The following ACOXL variants were observed in gnomAD, a reference collection of about 807,000 sequenced individuals.
ACOXL encodes the protein acyl-CoA oxidase like, also known as acyl-coenzyme A oxidase-like protein.
A neutral mutation model predicts 71.9 loss-of-function variants in ACOXL; 70 were observed. The observed-to-expected ratio is 0.97, with a 90% CI of 0.80 to 1.19. The LOEUF (loss-of-function observed/expected upper bound fraction) is 1.19. Among genes scored for constraint, ACOXL ranks in the 50% most tolerant of loss-of-function variants. ACOXL has a pLI of 0.00. For missense variants in ACOXL, 703 were observed against 736.3 expected, an observed-to-expected ratio of 0.95 and a Z score of 0.52; for synonymous variants, 253 against 281.6, an observed-to-expected ratio of 0.90 and a Z score of 1.02.
chr2:110,838,066 A>G (rs1690670504), intron 9 of ACOXL, among the ~76,000 whole-genome samples: 1 of 152,214 alleles, frequency 6.6e-6, no homozygotes, highest in African/African-American at 2.4e-5. Flanking sequence ...TGAATGCCAA[A>G]GTGTATCCAT....
chr2:110,886,755 T>C, intron 10 of ACOXL: 1 of 1,550,796 alleles, frequency 6.4e-7, no homozygotes, highest in Non-Finnish European at 8.7e-7. Context: ...TTTGTTGCCA[T>C]CTCACTTTTC....
intron 14 of ACOXL, among the ~76,000 whole-genome samples, chr2:111,002,083 C>T (rs942452076): frequency 3.9e-5 from 6 of 152,110 alleles, no homozygotes. Context: ...TTGCAAATAA[C>T]GGAAACTTAT....
At chr2:111,113,382 G>A (rs768647517) in intron 17 of ACOXL, among the ~76,000 whole-genome samples, 1 of 152,166 alleles carries the variant, frequency 6.6e-6, no homozygotes, top group Non-Finnish European at 1.5e-5. Flanking sequence ...TAGTTGTCCA[G>A]GAAATGTCAG....
chr2:110,849,161 C>T (rs1276649827), intron 10 of ACOXL, among the ~76,000 whole-genome samples: 2 of 152,194 alleles, frequency 1.3e-5, no homozygotes, highest in Non-Finnish European at 2.9e-5. Flanking sequence ...TATTTCTTCT[C>T]CTTCCTGTCT....
chr2:110,745,598 T>C (rs1481025632), intron 1 of ACOXL, among the ~76,000 whole-genome samples: 1 of 152,236 alleles, frequency 6.6e-6, no homozygotes, highest in Non-Finnish European at 1.5e-5. Flanking sequence ...GTCAGGCATT[T>C]CTGCCTTAAA....
chr2:110,995,972 C>T lies in ACOXL; in HGVS notation c.1249C>T (p.Gln417Ter), dbSNP rs866253421. ...KAVKFRERVLQRGLVARIYYK... is the reference protein window; with the variant it reads ...KAVKFRERVL ...AGTGAAATTTCGTGAAAGGGTTCTT[C>T]AGCGGGGTTTGGTGGCCAGAATTTA... is the stretch of plus-strand genomic sequence containing the variant. Residue 417 changes from glutamine (Q) to a stop codon, truncating the protein, a stop_gained, in exon 14 of 18, where the codon CAG (glutamine) becomes TAG (stop). Transcript: ENST00000439055. LOFTEE classifies it high-confidence loss of function. 1.9e-6 allele frequency: 3 copies of T among 1,590,806 alleles called. No individual in the cohort carries two copies. The East Asian group carries it at 6.7e-5, about 35-fold the overall frequency.
chr2:110,788,390 C>T (rs925884801), intron 3 of ACOXL, among the ~76,000 whole-genome samples: 2 of 152,062 alleles, frequency 1.3e-5, no homozygotes, highest in African/African-American at 2.4e-5. Context: ...CATAAGAGGA[C>T]AAATATTGTA....
chr2:110,842,057 C>T (rs1369052346), intron 10 of ACOXL, among the ~76,000 whole-genome samples: 1 of 152,212 alleles, frequency 6.6e-6, no homozygotes, highest in African/African-American at 2.4e-5. Context: ...AAGTGCCACC[C>T]TGTGGTCATA....
intron 12 of ACOXL, among the ~76,000 whole-genome samples, chr2:110,955,030 T>C (rs3789114): frequency 0.25 from 35,000 of 138,426 alleles, 4,599 homozygotes; most frequent in East Asian, 0.31. Context: ...TTTAAGTATT[T>C]TATTTGTTGT....
intron 12 of ACOXL, among the ~76,000 whole-genome samples, chr2:110,978,791 T>A (rs1242354109): frequency 6.9e-6 from 1 of 144,850 alleles, no homozygotes; most frequent in Non-Finnish European, 1.5e-5. Flanking sequence ...TGCACGATGC[T>A]CAAGTTGTAA....
intron 12 of ACOXL, among the ~76,000 whole-genome samples, chr2:110,983,347 TATG>T (rs1353794401): frequency 2.0e-5 from 3 of 152,258 alleles, no homozygotes; most frequent in Non-Finnish European, 4.4e-5. Context: ...GCATGATGTA[TATG>T]ATATTTATTG....
intron 12 of ACOXL, among the ~76,000 whole-genome samples, chr2:110,976,653 T>C (rs1234567471): frequency 1.3e-5 from 2 of 152,168 alleles, no homozygotes; most frequent in Non-Finnish European, 2.9e-5. Flanking sequence ...AATACCTGGA[T>C]GGTAGTGACG....
At chr2:111,106,627 A>C (rs1343134926) in intron 17 of ACOXL, among the ~76,000 whole-genome samples, 1 of 152,148 alleles carries the variant, frequency 6.6e-6, no homozygotes, top group Non-Finnish European at 1.5e-5. Context: ...TTGGCTATTA[A>C]ATTATAAAAC....
intron 10 of ACOXL, among the ~76,000 whole-genome samples, chr2:110,882,258 A>G (rs577452400): frequency 1.3e-5 from 2 of 152,268 alleles, no homozygotes; most frequent in African/African-American, 4.8e-5. Flanking sequence ...CTTGTTTGCT[A>G]TCCATTTATT....
chr2:110,951,600 C>G (rs10185377), intron 12 of ACOXL, among the ~76,000 whole-genome samples: 1 of 152,132 alleles, frequency 6.6e-6, no homozygotes, highest in East Asian at 1.9e-4. Context: ...CAGATATTCT[C>G]TATTATGTTA....
At chr2:110,766,111 C>T (rs1056041093) in intron 1 of ACOXL, among the ~76,000 whole-genome samples, 3 of 152,142 alleles carry the variant, frequency 2.0e-5, no homozygotes, top group African/African-American at 4.8e-5. Flanking sequence ...AAATCTTCAT[C>T]AGATAATTCC....
intron 10 of ACOXL, among the ~76,000 whole-genome samples, chr2:110,901,673 C>CACACAT (rs1491437526): frequency 1.8e-3 from 258 of 139,616 alleles, no homozygotes; most frequent in African/African-American, 6.4e-3. Context: ...CACACACACA[C>CACACAT]ATATACACTC....
intron 12 of ACOXL, among the ~76,000 whole-genome samples, chr2:110,984,067 A>T (rs1452567480): frequency 1.3e-5 from 2 of 152,066 alleles, no homozygotes; most frequent in African/African-American, 4.8e-5. Flanking sequence ...GCTGGTCTCG[A>T]ACTCCTGACC....
chr2:110,890,880 G>A (rs913147654), intron 10 of ACOXL, among the ~76,000 whole-genome samples: 38 of 152,008 alleles, frequency 2.5e-4, no homozygotes, highest in Non-Finnish European at 7.4e-5. Flanking sequence ...AGATTACATT[G>A]AACTTGCAGC....
Sources: allele counts gnomAD v4.1 joint callset (sites outside exome capture counted in the v4.1 genomes callset), GRCh38; gene constraint gnomAD v4.1.1; transcripts MANE v1.5; gene names NCBI Gene and HGNC (gene_info 2026-07-23, HGNC 2026-07-21).